The following TAMM41 variants were observed in gnomAD, a reference collection of about 807,000 sequenced individuals.
TAMM41 encodes the protein TAM41 mitochondrial translocator assembly and maintenance homolog.
TAMM41 carries 36 observed loss-of-function variants against 44.1 expected under a neutral mutation model. That is an observed-to-expected ratio of 0.82 (90% CI 0.63 to 1.08). TAMM41 has a LOEUF of 1.08. Ranked by LOEUF, TAMM41 falls within the 50% of genes least tolerant of loss-of-function variation. The pLI is 0.00. For missense variants in TAMM41, 417 were observed against 404.3 expected (o/e 1.03, Z -0.27); for synonymous variants, 164 against 153.1 (o/e 1.07, Z -0.53).
At chr3:11,810,319 C>T (rs1020618201) in intron 5 of TAMM41, among the ~76,000 whole-genome samples, 1 of 152,198 alleles carries the variant, frequency 6.6e-6, no homozygotes, top group African/African-American at 2.4e-5. Flanking sequence ...CCAGCGGCTT[C>T]GGTTCCCAAA....
At chr3:11,733,000 GT>G in the TAMM41 span, among the ~76,000 whole-genome samples, 2 of 85,550 alleles carry the variant, frequency 2.3e-5, no homozygotes, top group South Asian at 4.1e-4. Context: ...TTTTTTTTTT[GT>G]TTGTTTGTTT....
In TAMM41 at chr3:11,829,857, A is replaced by G; in HGVS notation, c.419T>C (p.Ile140Thr). The G allele has an allele frequency of 6.2e-7, 1 of 1,614,084 alleles. No homozygotes were observed. Among genetic ancestry groups the G allele is most frequent in the Non-Finnish European group, 8.5e-7 (1 of 1,180,014 alleles). ...IAGRLQKPVK[I>T]ISVNEDVTLR... ...AGTGACATCCTCGTTCACTGAGATAATTTTCACCTGAAAGAAGCAGAACAT... is the reference window on the plus strand; with the variant it reads ...AGTGACATCCTCGTTCACTGAGATAGTTTTCACCTGAAAGAAGCAGAACAT... The change falls in exon 4 of 8, where the codon ATT becomes ACT. Residue 140 changes from isoleucine to threonine, a missense_variant. Coordinates refer to ENST00000455809, the MANE Select transcript of TAMM41 (RefSeq NM_001284401.2).
At chr3:11,763,390 C>T in the TAMM41 span, among the ~76,000 whole-genome samples, 3 of 152,240 alleles carry the variant, frequency 2.0e-5, no homozygotes, top group East Asian at 5.8e-4. Context: ...GATCCTCCCA[C>T]CTTGGCCTCC....
the TAMM41 span, among the ~76,000 whole-genome samples, chr3:11,743,438 A>C: frequency 6.6e-6 from 1 of 150,708 alleles, no homozygotes; most frequent in Non-Finnish European, 1.5e-5. Flanking sequence ...GGTTCAAATG[A>C]TTCTTGTGCC....
chr3:11,832,937 T>C (rs1226574379), intron 3 of TAMM41: 3 of 977,114 alleles, frequency 3.1e-6, no homozygotes, highest in South Asian at 4.2e-5. Context: ...TTGTTCTACA[T>C]AGGCTGTAAG....
At chr3:11,811,884 C>T (rs2078097608) in intron 5 of TAMM41, among the ~76,000 whole-genome samples, 1 of 152,136 alleles carries the variant, frequency 6.6e-6, no homozygotes, top group East Asian at 1.9e-4. Context: ...ACTATAAACA[C>T]TAGCTTTTAT....
intron 7 of TAMM41, among the ~76,000 whole-genome samples, chr3:11,805,205 T>C (rs2077871514): frequency 6.6e-6 from 1 of 152,136 alleles, no homozygotes; most frequent in Non-Finnish European, 1.5e-5. Flanking sequence ...TTTCACCATG[T>C]TGCCCAGGCT....
chr3:11,727,479 A>T, the TAMM41 span, among the ~76,000 whole-genome samples: 2 of 152,062 alleles, frequency 1.3e-5, no homozygotes, highest in Non-Finnish European at 2.9e-5. Context: ...TATTATTATT[A>T]TTTCAGACAG....
the TAMM41 span, among the ~76,000 whole-genome samples, chr3:11,771,603 C>CA: frequency 6.6e-6 from 1 of 152,072 alleles, no homozygotes; most frequent in Admixed American, 6.6e-5. Context: ...ATTTTTGAGA[C>CA]AGAGTTTAGC....
intron 3 of TAMM41, among the ~76,000 whole-genome samples, chr3:11,834,412 A>C (rs1354748102): frequency 1.3e-5 from 2 of 152,210 alleles, no homozygotes; most frequent in Non-Finnish European, 2.9e-5. Flanking sequence ...GTAAAATACA[A>C]AAATCCAAAA....
chr3:11,753,151 C>T, the TAMM41 span, among the ~76,000 whole-genome samples: 3 of 151,992 alleles, frequency 2.0e-5, no homozygotes, highest in Admixed American at 1.3e-4. Context: ...CCCTGGCCAG[C>T]GCAGTGGCTC....
the TAMM41 span, among the ~76,000 whole-genome samples, chr3:11,759,296 C>A: frequency 1.3e-5 from 2 of 152,058 alleles, no homozygotes; most frequent in African/African-American, 4.8e-5. Context: ...ATCAACGGCA[C>A]ATCCATTCTT....
chr3:11,825,655 T>C (rs2078717555), intron 4 of TAMM41, among the ~76,000 whole-genome samples: 2 of 152,198 alleles, frequency 1.3e-5, no homozygotes, highest in Admixed American at 1.3e-4. Flanking sequence ...TCAGACAATC[T>C]GGCAATTAAA....
chr3:11,806,238 TGA>T (rs1295088520), intron 7 of TAMM41, among the ~76,000 whole-genome samples: 11 of 152,214 alleles, frequency 7.2e-5, no homozygotes, highest in African/African-American at 2.7e-4. Context: ...AGCTGGCACA[TGA>T]GAGATGCTCA....
the TAMM41 span, among the ~76,000 whole-genome samples, chr3:11,732,063 C>T: frequency 6.6e-5 from 10 of 152,120 alleles, no homozygotes; most frequent in South Asian, 6.2e-4. Context: ...GGCGTGGTTT[C>T]GCCATGTTGC....
At chr3:11,811,090 A>G (rs1229724614) in intron 5 of TAMM41, 3 of 152,126 alleles carry the variant, frequency 2.0e-5, no homozygotes, top group Admixed American at 1.3e-4. Context: ...ACAAAAAAGT[A>G]TATACCAAAT....
intron 7 of TAMM41, among the ~76,000 whole-genome samples, chr3:11,804,758 A>G (rs979085150): frequency 2.0e-5 from 3 of 152,210 alleles, no homozygotes; most frequent in African/African-American, 7.2e-5. Flanking sequence ...TCTTAACTGG[A>G]AATGCAAAGC....
intron 3 of TAMM41, among the ~76,000 whole-genome samples, chr3:11,837,330 T>C (rs576979966): frequency 5.9e-5 from 9 of 152,072 alleles, no homozygotes; most frequent in African/African-American, 1.9e-4. Flanking sequence ...AAGTGTGAGA[T>C]TAGCAACTGT....
chr3:11,778,946 C>G, the TAMM41 span, among the ~76,000 whole-genome samples: 1 of 152,112 alleles, frequency 6.6e-6, no homozygotes, highest in Admixed American at 6.6e-5. Flanking sequence ...GTCTGCTATG[C>G]TACGGTTTGG....
Sources: gnomAD v4.1 joint callset for allele counts (sites outside exome capture counted in the v4.1 genomes callset) on GRCh38, gnomAD v4.1.1 for gene constraint, MANE v1.5 for transcripts, NCBI Gene and HGNC (gene_info 2026-07-23, HGNC 2026-07-21) for gene names.